Variants in ACMSD observed in about 807,000 individuals in gnomAD.
ACMSD encodes aminocarboxymuconate semialdehyde decarboxylase.
Under a neutral mutation model 45.9 loss-of-function variants are expected in ACMSD, and 37 were observed. The observed-to-expected ratio is 0.81, with a 90% CI of 0.62 to 1.06. ACMSD has a LOEUF of 1.06. Ranked by LOEUF, ACMSD falls within the 50% of genes least tolerant of loss-of-function variation. ACMSD has a pLI of 0.00. For synonymous variants in ACMSD, 138 were observed against 148.8 expected, an observed-to-expected ratio of 0.93 and a Z score of 0.53; for missense variants, 434 against 420.9, an observed-to-expected ratio of 1.03 and a Z score of -0.27.
At chr2:134,856,966 A>G (rs971318259) in intron 2 of ACMSD, among the ~76,000 whole-genome samples, 1 of 152,012 alleles carries the variant, frequency 6.6e-6, no homozygotes, top group African/African-American at 2.4e-5. Flanking sequence ...TATTAAATCT[A>G]TAGATTGTTT....
In ACMSD at chr2:134,865,510, C is replaced by A. The variant is rs530955094; in HGVS notation, c.486+1879C>A. ...CGACCCATCAATCCTTCTAACTGGGCTGTTTTGAGGACATCCAGTCTCTGA... is the reference window on the plus strand; with the variant it reads ...CGACCCATCAATCCTTCTAACTGGGATGTTTTGAGGACATCCAGTCTCTGA... On this transcript the variant is annotated intron_variant, in intron 5 of 9. Transcript: ENST00000356140. Among the ~76,000 whole-genome samples the A allele has an allele frequency of 1.9e-3, 287 of 152,278 alleles. 1 individual carries two copies. Among genetic ancestry groups the A allele is most frequent in the Non-Finnish European group, 1.5e-3 (100 of 68,044 alleles).
At chr2:134,840,581 C>T (rs1686760553) in intron 1 of ACMSD, among the ~76,000 whole-genome samples, 1 of 152,136 alleles carries the variant, frequency 6.6e-6, no homozygotes, top group South Asian at 2.1e-4. Context: ...TTGTTCGCCC[C>T]TTCTGCCACG....
chr2:134,885,115 G>A (rs1689248428), intron 8 of ACMSD, among the ~76,000 whole-genome samples: 1 of 149,674 alleles, frequency 6.7e-6, no homozygotes, highest in Non-Finnish European at 1.5e-5. Context: ...AGGATCACTT[G>A]AGCCTCGGAG....
At chr2:134,864,224 G>A (rs1043312327) in intron 5 of ACMSD, among the ~76,000 whole-genome samples, 3 of 150,010 alleles carry the variant, frequency 2.0e-5, no homozygotes, top group African/African-American at 7.4e-5. Flanking sequence ...AGCCAAGACT[G>A]TGCCACTGCA....
intron 8 of ACMSD, among the ~76,000 whole-genome samples, chr2:134,888,953 A>G (rs1334164767): frequency 6.6e-6 from 1 of 152,230 alleles, no homozygotes; most frequent in African/African-American, 2.4e-5. Flanking sequence ...TTTGTCAAAA[A>G]TCAGCAAATT....
intron 8 of ACMSD, among the ~76,000 whole-genome samples, chr2:134,883,301 GC>G (rs1472751958): frequency 1.3e-5 from 2 of 151,972 alleles, no homozygotes; most frequent in African/African-American, 4.8e-5. Flanking sequence ...CTTTTGGGAG[GC>G]CAAGATCAGA....
intron 8 of ACMSD, among the ~76,000 whole-genome samples, chr2:134,885,864 A>C (rs1043082403): frequency 6.6e-6 from 1 of 152,152 alleles, no homozygotes; most frequent in African/African-American, 2.4e-5. Context: ...CAAGTATTTT[A>C]TCAGGAAAAG....
intron 5 of ACMSD, among the ~76,000 whole-genome samples, chr2:134,865,815 G>A (rs935320485): frequency 3.9e-5 from 6 of 152,074 alleles, no homozygotes; most frequent in African/African-American, 7.2e-5. Context: ...AAACAACTTC[G>A]TTATTGGTAT....
At position 134,856,432 on chromosome 2, in the gene ACMSD, G is replaced by T. The variant is rs58914866; in HGVS notation, c.103-2829G>T. ...CCCCTGCTCTGAGTATTAAAAAGTTGTGTATTCCATAATGGCTGTACCAGT... is the reference window on the plus strand; with the variant it reads ...CCCCTGCTCTGAGTATTAAAAAGTTTTGTATTCCATAATGGCTGTACCAGT... On this transcript the variant is annotated intron_variant, in intron 2 of 9. Transcript: ENST00000356140. Among the ~76,000 whole-genome samples, 1,322 of 152,270 alleles carry T rather than the reference G, an allele frequency of 8.7e-3. 19 individuals are homozygous for T. Among genetic ancestry groups the T allele is most frequent in the African/African-American group, 0.03 (1,264 of 41,554 alleles).
At chr2:134,843,509 G>A (rs561456160) in intron 1 of ACMSD, among the ~76,000 whole-genome samples, 2 of 152,214 alleles carry the variant, frequency 1.3e-5, no homozygotes, top group East Asian at 3.9e-4. Flanking sequence ...CATGGCCCAG[G>A]CCCAGACCTT....
chr2:134,868,285 G>T (rs935554106), intron 6 of ACMSD, among the ~76,000 whole-genome samples: 1 of 152,090 alleles, frequency 6.6e-6, no homozygotes, highest in East Asian at 1.9e-4. Flanking sequence ...CCACGAAAGG[G>T]TAGAGGAGAA....
intron 5 of ACMSD, among the ~76,000 whole-genome samples, chr2:134,864,578 A>G (rs1688007807): frequency 6.6e-6 from 1 of 152,206 alleles, no homozygotes. Context: ...GAATATTCCA[A>G]TATATGGCTA....
At chr2:134,849,110 T>C (rs1415743397) in intron 2 of ACMSD, among the ~76,000 whole-genome samples, 1 of 152,196 alleles carries the variant, frequency 6.6e-6, no homozygotes, top group Non-Finnish European at 1.5e-5. Flanking sequence ...TGATTTTTTT[T>C]TTTCTTTCTT....
intron 3 of ACMSD, 147 bp from the exon 4 acceptor site, chr2:134,861,822 G>GT: frequency 1.3e-6 from 1 of 789,360 alleles, no homozygotes; most frequent in Non-Finnish European, 2.2e-6. Context: ...GGCTGAGGGG[G>GT]GTCCAGGGAG....
At chr2:134,885,332 AAT>A (rs1262406612) in intron 8 of ACMSD, among the ~76,000 whole-genome samples, 4 of 98,506 alleles carry the variant, frequency 4.1e-5, no homozygotes, top group African/African-American at 1.7e-4. Context: ...TATATATGTA[AAT>A]ATATATTTAT....
chr2:134,861,766 C>A (rs1349780039), intron 3 of ACMSD, among the ~76,000 whole-genome samples: 1 of 149,778 alleles, frequency 6.7e-6, no homozygotes, highest in Non-Finnish European at 1.5e-5. Context: ...TGAATGATCT[C>A]ATTTGTGTCC....
intron 8 of ACMSD, among the ~76,000 whole-genome samples, chr2:134,887,750 C>T (rs1375037360): frequency 6.6e-6 from 1 of 152,022 alleles, no homozygotes; most frequent in Non-Finnish European, 1.5e-5. Context: ...GACAGAGACA[C>T]GAAAGCAATT....
intron 5 of ACMSD, 135 bp from the exon 6 acceptor site, chr2:134,867,444 C>A: frequency 1.7e-6 from 1 of 593,376 alleles, no homozygotes. Flanking sequence ...GATCATAAAA[C>A]AACTTAAAAA....
intron 9 of ACMSD, among the ~76,000 whole-genome samples, chr2:134,900,612 A>G (rs1025887177): frequency 6.6e-6 from 1 of 152,218 alleles, no homozygotes. Context: ...GTAAGAATGC[A>G]TCTTCTATCT....
Sources: gnomAD v4.1 joint callset for allele counts (sites outside exome capture counted in the v4.1 genomes callset) on GRCh38, gnomAD v4.1.1 for gene constraint, MANE v1.5 for transcripts, NCBI Gene and HGNC (gene_info 2026-07-23, HGNC 2026-07-21) for gene names.